The following L3MBTL4 variants were observed in gnomAD, a reference collection of about 807,000 sequenced individuals.
L3MBTL4 encodes the protein lethal(3)malignant brain tumor-like protein 4.
A neutral mutation model predicts 84.5 loss-of-function variants in L3MBTL4; 70 were observed. That is an observed-to-expected ratio of 0.83 (90% confidence interval 0.68 to 1.01). The LOEUF (loss-of-function observed/expected upper bound fraction) is 1.01. L3MBTL4 is among the 50% of genes least tolerant of loss of function. L3MBTL4 has a pLI of 0.00. For missense variants in L3MBTL4, 715 were observed against 754.8 expected, an observed-to-expected ratio of 0.95 and a Z score of 0.62; for synonymous variants, 274 against 259.8, an observed-to-expected ratio of 1.05 and a Z score of -0.52.
chr18:6,378,999 C>A (rs2054488813), intron 1 of L3MBTL4, among the ~76,000 whole-genome samples: 1 of 152,168 alleles, frequency 6.6e-6, no homozygotes. Flanking sequence ...TTTCCTTGAG[C>A]AGTGGTTTGT....
intron 14 of L3MBTL4, among the ~76,000 whole-genome samples, chr18:6,127,864 C>A (rs1452238100): frequency 6.6e-6 from 1 of 152,124 alleles, no homozygotes; most frequent in Non-Finnish European, 1.5e-5. Context: ...CAGAAGTTCA[C>A]CATTGATGGG....
chr18:6,066,045 T>G (rs2057387544), intron 16 of L3MBTL4, among the ~76,000 whole-genome samples: 1 of 152,126 alleles, frequency 6.6e-6, no homozygotes, highest in Non-Finnish European at 1.5e-5. Flanking sequence ...GAGGCTTTGA[T>G]AAGTTCTGTC....
At chr18:6,104,102 G>A (rs140819423) in intron 14 of L3MBTL4, among the ~76,000 whole-genome samples, 2 of 152,284 alleles carry the variant, frequency 1.3e-5, no homozygotes, top group East Asian at 3.9e-4. Context: ...GTATTGGTGA[G>A]GATGTGAAAA....
At chr18:6,282,386 T>C (rs1318444669) in intron 4 of L3MBTL4, among the ~76,000 whole-genome samples, 3 of 152,150 alleles carry the variant, frequency 2.0e-5, no homozygotes, top group Non-Finnish European at 2.9e-5. Context: ...CCCTGACAAG[T>C]GGCATGGAAG....
intron 12 of L3MBTL4, among the ~76,000 whole-genome samples, chr18:6,177,496 T>C (rs1256107999): frequency 6.6e-6 from 1 of 152,224 alleles, no homozygotes; most frequent in East Asian, 1.9e-4. Context: ...TTCTGTGTTG[T>C]TGGAAGTGTT....
intron 16 of L3MBTL4, among the ~76,000 whole-genome samples, chr18:6,034,661 C>A (rs1315418221): frequency 2.6e-5 from 4 of 152,054 alleles, no homozygotes; most frequent in African/African-American, 9.7e-5. Context: ...GGGTATATAC[C>A]CAGTAATGGG....
At chr18:5,972,300 G>A (rs2052675675) in intron 16 of L3MBTL4, among the ~76,000 whole-genome samples, 1 of 152,156 alleles carries the variant, frequency 6.6e-6, no homozygotes, top group African/African-American at 2.4e-5. Flanking sequence ...TTAAAGTTGA[G>A]CTTTTGAAAA....
At chr18:6,130,605 A>ACC in intron 14 of L3MBTL4, among the ~76,000 whole-genome samples, 1 of 152,162 alleles carries the variant, frequency 6.6e-6, no homozygotes, top group Non-Finnish European at 1.5e-5. Flanking sequence ...TAATATAATT[A>ACC]TTGGTTCTTC....
chr18:6,245,692 C>T (rs900823182), intron 5 of L3MBTL4, among the ~76,000 whole-genome samples: 1 of 151,262 alleles, frequency 6.6e-6, no homozygotes, highest in South Asian at 2.1e-4. Flanking sequence ...CAGGTTCAAG[C>T]AATTCTCCTG....
chr18:6,203,855 A>G (rs1017392369), intron 12 of L3MBTL4, among the ~76,000 whole-genome samples: 8 of 152,166 alleles, frequency 5.3e-5, no homozygotes, highest in Non-Finnish European at 1.0e-4. Flanking sequence ...GGAAGTCTCT[A>G]GAGAGCCCTA....
chr18:6,340,322 C>G (rs757759239), intron 1 of L3MBTL4, among the ~76,000 whole-genome samples: 2 of 152,140 alleles, frequency 1.3e-5, no homozygotes, highest in African/African-American at 2.4e-5. Context: ...AAAAATCTGA[C>G]AGTAGATGCA....
intron 1 of L3MBTL4, among the ~76,000 whole-genome samples, chr18:6,362,406 T>A (rs1015608483): frequency 6.6e-6 from 1 of 152,186 alleles, no homozygotes; most frequent in Non-Finnish European, 1.5e-5. Context: ...AGACCATCTT[T>A]ATACTTTTGT....
At chr18:6,338,211 C>A (rs781715027) in intron 1 of L3MBTL4, among the ~76,000 whole-genome samples, 5 of 149,724 alleles carry the variant, frequency 3.3e-5, no homozygotes, top group African/African-American at 2.5e-5. Flanking sequence ...AGAAGAAAAG[C>A]GGAGGAGGAG....
At chr18:6,391,967 A>G (rs923953741) in intron 1 of L3MBTL4, among the ~76,000 whole-genome samples, 1 of 152,190 alleles carries the variant, frequency 6.6e-6, no homozygotes, top group Admixed American at 6.5e-5. Flanking sequence ...CAGAACACCA[A>G]TATCATTTTT....
intron 15 of L3MBTL4, among the ~76,000 whole-genome samples, chr18:6,082,142 C>A (rs2058099192): frequency 6.6e-6 from 1 of 152,072 alleles, no homozygotes; most frequent in Non-Finnish European, 1.5e-5. Flanking sequence ...GGACACAGTA[C>A]CTGCCTCACT....
chr18:6,197,318 G>A (rs1265102244), intron 12 of L3MBTL4, among the ~76,000 whole-genome samples: 6 of 152,214 alleles, frequency 3.9e-5, no homozygotes, highest in Middle Eastern at 3.4e-3. Context: ...CTGTGTCCAC[G>A]TGTTCTCATT....
At chr18:6,262,739 A>G (rs1462612644) in intron 5 of L3MBTL4, among the ~76,000 whole-genome samples, 1 of 152,144 alleles carries the variant, frequency 6.6e-6, no homozygotes, top group Non-Finnish European at 1.5e-5. Flanking sequence ...TATGACCTTC[A>G]TACTGTTTGT....
At chr18:6,040,324 G>C (rs1435065947) in intron 16 of L3MBTL4, among the ~76,000 whole-genome samples, 1 of 152,122 alleles carries the variant, frequency 6.6e-6, no homozygotes, top group Admixed American at 6.5e-5. Context: ...AGCACTTTTG[G>C]TTGTCACATC....
chr18:6,243,521 C>G, intron 6 of L3MBTL4, 92 bp from the exon 7 acceptor site: 2 of 1,099,306 alleles, frequency 1.8e-6, no homozygotes, highest in Non-Finnish European at 2.5e-6. Context: ...TTTGTCAGTA[C>G]TATCAACATA....
Sources: allele counts gnomAD v4.1 joint callset (sites outside exome capture counted in the v4.1 genomes callset), GRCh38; gene constraint gnomAD v4.1.1; transcripts MANE v1.5; gene names NCBI Gene and HGNC (gene_info 2026-07-23, HGNC 2026-07-21).